The following ST6GALNAC5 variants were observed in gnomAD, a reference collection of about 807,000 sequenced individuals.
The protein encoded by ST6GALNAC5 is ST6 N-acetylgalactosaminide alpha-2,6-sialyltransferase 5, also known as alpha-N-acetylgalactosaminide alpha-2,6-sialyltransferase 5.
Under a neutral mutation model 33.6 loss-of-function variants are expected in ST6GALNAC5, and 27 were observed. The ratio of observed to expected loss-of-function variants is 0.80; its 90% CI spans 0.59 to 1.11. The LOEUF is 1.11. Ranked by LOEUF, ST6GALNAC5 falls within the 50% of genes least tolerant of loss-of-function variation. The pLI, the probability that ST6GALNAC5 is intolerant of heterozygous loss-of-function variation, is 0.00. For synonymous variants in ST6GALNAC5, 194 were observed against 171.2 expected, an observed-to-expected ratio of 1.13 and a Z score of -1.04; for missense variants, 428 against 454.0, an observed-to-expected ratio of 0.94 and a Z score of 0.52.
intron 2 of ST6GALNAC5, among the ~76,000 whole-genome samples, chr1:76,970,590 C>T (rs1648707024): frequency 6.6e-6 from 1 of 152,080 alleles, no homozygotes; most frequent in South Asian, 2.1e-4. Flanking sequence ...ATTGGTGTAC[C>T]TGAAAGTGAC....
At chr1:77,015,743 C>T (rs1311092521) in intron 2 of ST6GALNAC5, among the ~76,000 whole-genome samples, 1 of 151,968 alleles carries the variant, frequency 6.6e-6, no homozygotes, top group Non-Finnish European at 1.5e-5. Context: ...CATAAGGCAT[C>T]AAGAACAAGC....
intron 2 of ST6GALNAC5, among the ~76,000 whole-genome samples, chr1:77,015,864 A>C (rs1361680846): frequency 6.6e-6 from 1 of 151,940 alleles, no homozygotes; most frequent in Non-Finnish European, 1.5e-5. Context: ...AAATACAAGG[A>C]GGAAAAGGGG....
chr1:76,908,970 A>G (rs572132021), intron 2 of ST6GALNAC5, among the ~76,000 whole-genome samples: 2 of 152,272 alleles, frequency 1.3e-5, no homozygotes, highest in East Asian at 1.9e-4. Flanking sequence ...AATTTGATTT[A>G]TCCTTACTTT....
chr1:77,028,334 A>C (rs1651325416), intron 2 of ST6GALNAC5, among the ~76,000 whole-genome samples: 1 of 152,212 alleles, frequency 6.6e-6, no homozygotes, highest in Admixed American at 6.5e-5. Flanking sequence ...AAGGATGGAA[A>C]ATCTCACTGG....
chr1:77,025,923 A>G (rs1651215218), intron 2 of ST6GALNAC5, among the ~76,000 whole-genome samples: 1 of 152,172 alleles, frequency 6.6e-6, no homozygotes, highest in East Asian at 1.9e-4. Flanking sequence ...CACAAAGCTC[A>G]CATACATAGG....
At chr1:77,000,715 G>T (rs1570075818) in intron 2 of ST6GALNAC5, among the ~76,000 whole-genome samples, 1 of 150,518 alleles carries the variant, frequency 6.6e-6, no homozygotes, top group Admixed American at 6.6e-5. Context: ...CATATGGCTA[G>T]CCAGTTTTCC....
intron 2 of ST6GALNAC5, among the ~76,000 whole-genome samples, chr1:76,925,108 G>A (rs369187909): frequency 6.6e-6 from 1 of 151,962 alleles, no homozygotes; most frequent in East Asian, 2.0e-4. Context: ...AGTGAGGGAG[G>A]GGGAAGGTGC....
rs1653396493 is a variant in ST6GALNAC5 at position 76,868,251 on chromosome 1, A to T, written c.16-246A>T. Reference sequence around the variant, plus strand: ...TCCCTCCCTCAGCCCGGGGCCGTACACCACCTGCCCTCTACCGAGAGATCT... The same window carrying T: ...TCCCTCCCTCAGCCCGGGGCCGTACTCCACCTGCCCTCTACCGAGAGATCT... On this transcript the variant is annotated intron_variant, in intron 1 of 4. Transcript: ENST00000477717. This position sits in a 1 kb window ranked among gnomAD's most constrained non-coding sequence, Gnocchi z 4.3. Among the ~76,000 whole-genome samples, 1 of 151,688 alleles carries T rather than the reference A, an allele frequency of 6.6e-6. No homozygotes were observed. The highest frequency in any genetic ancestry group is 2.4e-5 in the African/African-American group (1 of 41,292).
chr1:76,972,493 T>A (rs1178996998), intron 2 of ST6GALNAC5, among the ~76,000 whole-genome samples: 8 of 152,188 alleles, frequency 5.3e-5, no homozygotes, highest in Admixed American at 5.2e-4. Context: ...TTTAAAAGCA[T>A]TTCATAGCTA....
chr1:77,001,106 GA>G, intron 2 of ST6GALNAC5, among the ~76,000 whole-genome samples: 1 of 151,962 alleles, frequency 6.6e-6, no homozygotes, highest in Middle Eastern at 3.4e-3. Flanking sequence ...TCACGATATT[GA>G]TTCTTCCTAC....
chr1:77,004,125 A>C (rs1368449284), intron 2 of ST6GALNAC5, among the ~76,000 whole-genome samples: 1 of 151,612 alleles, frequency 6.6e-6, no homozygotes, highest in Non-Finnish European at 1.5e-5. Flanking sequence ...ACTTTCAAGT[A>C]CACCAATCAG....
chr1:77,004,984 C>CAG, intron 2 of ST6GALNAC5, among the ~76,000 whole-genome samples: 1 of 148,638 alleles, frequency 6.7e-6, no homozygotes, highest in East Asian at 2.1e-4. Flanking sequence ...AGCCTACAGA[C>CAG]GCAGGCAGGC....
At position 77,034,757 on chromosome 1, in the gene ST6GALNAC5, G is replaced by A. The variant is rs144191044; in HGVS notation, c.262-9447G>A. Among the ~76,000 whole-genome samples, 436 of 152,300 alleles carry A rather than the reference G, an allele frequency of 2.9e-3. 2 individuals carry two copies. Among genetic ancestry groups the A allele is most frequent in the Non-Finnish European group, 5.0e-3 (341 of 68,006 alleles). The stretch of plus-strand genomic sequence containing the variant: ...GAGGGCAGCATGTCAAACAAGGGAT[G>A]TTCCTTCTTATTTGTCTGTTTCCTT... On this transcript the variant is annotated intron_variant, in intron 2 of 4. Coordinates refer to ENST00000477717, the MANE Select transcript of ST6GALNAC5 (RefSeq NM_030965.3).
chr1:76,901,661 C>T (rs1451851311), intron 2 of ST6GALNAC5, among the ~76,000 whole-genome samples: 1 of 152,110 alleles, frequency 6.6e-6, no homozygotes, highest in East Asian at 1.9e-4. Flanking sequence ...GAATTTTCTA[C>T]AAGCAGAGAA....
chr1:77,056,887 C>G (rs1652417181), intron 4 of ST6GALNAC5, among the ~76,000 whole-genome samples: 2 of 152,050 alleles, frequency 1.3e-5, no homozygotes, highest in Non-Finnish European at 1.5e-5. Flanking sequence ...TCTTTTCCTC[C>G]CATAAGAAGA....
chr1:77,002,377 C>T (rs1650206051), intron 2 of ST6GALNAC5, among the ~76,000 whole-genome samples: 1 of 152,086 alleles, frequency 6.6e-6, no homozygotes, highest in Admixed American at 6.5e-5. Context: ...TGATTCTTCT[C>T]TCTTTTTTTC....
chr1:76,890,685 A>C (rs989527074), intron 2 of ST6GALNAC5, among the ~76,000 whole-genome samples: 1 of 152,236 alleles, frequency 6.6e-6, no homozygotes, highest in Admixed American at 6.5e-5. Context: ...TATCAATTAC[A>C]AATTTTAAAA....
chr1:77,038,381 G>A (rs1358721804), intron 2 of ST6GALNAC5, among the ~76,000 whole-genome samples: 1 of 152,186 alleles, frequency 6.6e-6, no homozygotes, highest in Non-Finnish European at 1.5e-5. Context: ...GTAATTACAG[G>A]AAAACATCAG....
At chr1:76,896,746 C>A (rs1654148711) in intron 2 of ST6GALNAC5, among the ~76,000 whole-genome samples, 2 of 152,016 alleles carry the variant, frequency 1.3e-5, no homozygotes, top group Admixed American at 6.5e-5. Flanking sequence ...GTATATGCAT[C>A]AGGTATGAGG....
Sources: gnomAD v4.1 joint callset for allele counts (sites outside exome capture counted in the v4.1 genomes callset) on GRCh38, gnomAD v4.1.1 for gene constraint, Gnocchi (gnomAD v3.1) non-coding constraint, MANE v1.5 for transcripts, NCBI Gene and HGNC (gene_info 2026-07-23, HGNC 2026-07-21) for gene names.